FAM81A: variants seen among roughly 807,000 people sequenced by gnomAD.
FAM81A encodes family with sequence similarity 81 member A.
In FAM81A, 19 loss-of-function variants were observed where a neutral mutation model predicts 46.7. That is an observed-to-expected ratio of 0.41 (90% confidence interval 0.28 to 0.60). The LOEUF (loss-of-function observed/expected upper bound fraction) is 0.60. FAM81A is among the 20% of genes least tolerant of loss of function. The pLI is 0.34. For synonymous variants in FAM81A, 183 were observed against 152.9 expected, an observed-to-expected ratio of 1.20 and a Z score of -1.45; for missense variants, 377 against 453.5, an observed-to-expected ratio of 0.83 and a Z score of 1.53.
chr15:59,433,007 T>A (rs1249684218), intron 2 of FAM81A, among the ~76,000 whole-genome samples: 4 of 148,140 alleles, frequency 2.7e-5, no homozygotes, highest in African/African-American at 7.5e-5. Context: ...CTGGGCATGG[T>A]GGTGGGTGCC....
intron 1 of FAM81A, chr15:59,444,175 T>G (rs2081330550): frequency 6.6e-6 from 1 of 152,236 alleles, no homozygotes; most frequent in Non-Finnish European, 1.5e-5. Flanking sequence ...CTGTAGAGGC[T>G]CAATGAATAT....
intron 3 of FAM81A, among the ~76,000 whole-genome samples, chr15:59,480,069 G>T (rs1331164847): frequency 1.3e-5 from 2 of 152,130 alleles, no homozygotes; most frequent in Non-Finnish European, 2.9e-5. Flanking sequence ...GGAGAAGATG[G>T]ATTCTGGAGT....
chr15:59,403,803 C>A lies in FAM81A; in HGVS notation c.-78+1445C>A, dbSNP rs8041474. ...AATACTTTAAATTGCAAATTTCTTC[C>A]AAATCTTAATAAACATTTTTTTTCA... On this transcript the variant is annotated intron_variant, in intron 2 of 4. Coordinates refer to the FAM81A transcript ENST00000558348. 4.7e-3 allele frequency among the ~76,000 whole-genome samples: 718 copies of A among 152,036 alleles called. 6 individuals are homozygous for A. The highest frequency in any genetic ancestry group is 0.017 in the African/African-American group (695 of 41,470).
chr15:59,497,128 A>AAAGAAG (rs367828817), intron 4 of FAM81A, among the ~76,000 whole-genome samples: 142 of 149,216 alleles, frequency 9.5e-4, no homozygotes, highest in African/African-American at 2.0e-3. Context: ...CAAATTTAAA[A>AAAGAAG]AAGAAGAAGA....
At chr15:59,459,828 G>T (rs1280657675) in intron 2 of FAM81A, 105 bp from the exon 3 acceptor site, 1 of 1,412,498 alleles carries the variant, frequency 7.1e-7, no homozygotes, top group African/African-American at 1.4e-5. Flanking sequence ...TATTTAGCTT[G>T]TAGTTATAGA....
intron 3 of FAM81A, among the ~76,000 whole-genome samples, chr15:59,487,756 A>G (rs773161749): frequency 1.3e-5 from 2 of 152,146 alleles, no homozygotes; most frequent in East Asian, 1.9e-4. Context: ...GATTGAAGCC[A>G]TAATAAAAAC....
Position 59,433,140 on chromosome 15 carries a change from C to CAA in FAM81A, c.-77-25385_-77-25384dup, listed in dbSNP as rs552850890. Among the ~76,000 whole-genome samples, 113 of 42,348 alleles carry CAA rather than the reference C, an allele frequency of 2.7e-3. 3 individuals are homozygous for CAA. Among genetic ancestry groups the CAA allele is most frequent in the African/African-American group, 7.8e-3 (73 of 9,318 alleles). The allele number at this position is 42,348 out of a possible 152,430, so 27.8% of individuals were successfully genotyped here. ...CTGGGCACAGAGCGAGACTCCGTCT[C>CAA]AAAAAAAAAAAAAAAAAAAAAAAAA... On this transcript the variant is annotated intron_variant, in intron 2 of 4. Coordinates refer to the FAM81A transcript ENST00000558348.
intron 2 of FAM81A, among the ~76,000 whole-genome samples, chr15:59,403,952 C>T (rs1208303069): frequency 8.1e-5 from 12 of 148,916 alleles, no homozygotes; most frequent in East Asian, 8.0e-4. Flanking sequence ...AGAGTGATCT[C>T]GGCTCACTGC....
intron 1 of FAM81A, among the ~76,000 whole-genome samples, chr15:59,448,712 A>G (rs532567651): frequency 4.6e-5 from 7 of 152,186 alleles, no homozygotes; most frequent in African/African-American, 1.4e-4. Context: ...CTGTTGCCCA[A>G]GCTGGAGTGC....
chr15:59,428,454 A>G lies in FAM81A; in HGVS notation c.-78+26096A>G, dbSNP rs561849496. Among the ~76,000 whole-genome samples, 10 of 125,540 alleles carry G rather than the reference A, an allele frequency of 8.0e-5. No individual in the cohort carries two copies. In the South Asian group the frequency reaches 2.5e-3, roughly 32 times the overall value. The allele number at this position is 125,540 out of a possible 152,430, so 82.4% of individuals were successfully genotyped here. ...TATTATTATTATTATTATTATTATTATTTTGAGACAGAGTCTTACTATGTT... is the reference window on the plus strand; with the variant it reads ...TATTATTATTATTATTATTATTATTGTTTTGAGACAGAGTCTTACTATGTT... On this transcript the variant is annotated intron_variant, in intron 2 of 4. Coordinates refer to the FAM81A transcript ENST00000558348.
At chr15:59,432,527 C>G (rs1409375642) in intron 2 of FAM81A, among the ~76,000 whole-genome samples, 1 of 152,122 alleles carries the variant, frequency 6.6e-6, no homozygotes, top group Non-Finnish European at 1.5e-5. Context: ...GGTTTTTATG[C>G]GGCAATCTTG....
intron 3 of FAM81A, among the ~76,000 whole-genome samples, chr15:59,475,680 A>C (rs2081757788): frequency 6.6e-6 from 1 of 152,214 alleles, no homozygotes; most frequent in African/African-American, 2.4e-5. Context: ...CAAAAAATTT[A>C]GTTTGTATTT....
chr15:59,456,741 A>G (rs1399774931), intron 1 of FAM81A, among the ~76,000 whole-genome samples: 2 of 151,860 alleles, frequency 1.3e-5, no homozygotes, highest in Non-Finnish European at 2.9e-5. Context: ...ACGCCTGGCT[A>G]ATTTTTGTAT....
chr15:59,417,387 A>T (rs2081151172), intron 2 of FAM81A, among the ~76,000 whole-genome samples: 1 of 151,806 alleles, frequency 6.6e-6, no homozygotes, highest in Admixed American at 6.6e-5. Flanking sequence ...TTTAAAAACA[A>T]ACAAACAAAC....
intron 3 of FAM81A, among the ~76,000 whole-genome samples, chr15:59,476,151 C>G (rs1021423347): frequency 2.0e-5 from 3 of 152,112 alleles, no homozygotes; most frequent in Admixed American, 2.0e-4. Flanking sequence ...AGATTCTACC[C>G]TCATGACCTA....
chr15:59,483,082 G>A (rs1298150879), intron 3 of FAM81A, among the ~76,000 whole-genome samples: 2 of 151,868 alleles, frequency 1.3e-5, no homozygotes, highest in East Asian at 1.9e-4. Context: ...CTGTTGCCCA[G>A]GCTGGAGTGC....
chr15:59,478,450 C>T (rs1215165903), intron 3 of FAM81A, among the ~76,000 whole-genome samples: 1 of 152,176 alleles, frequency 6.6e-6, no homozygotes, highest in African/African-American at 2.4e-5. Flanking sequence ...GGGGCGTAGA[C>T]AGTGATGTTA....
At chr15:59,439,204 C>G (rs1161293266) in intron 1 of FAM81A, 1 of 151,710 alleles carries the variant, frequency 6.6e-6, no homozygotes, top group Non-Finnish European at 1.5e-5. Flanking sequence ...TAGGAGTAAC[C>G]AGAAATAATG....
At chr15:59,479,179 A>T (rs1247547180) in intron 3 of FAM81A, among the ~76,000 whole-genome samples, 1 of 152,150 alleles carries the variant, frequency 6.6e-6, no homozygotes, top group East Asian at 1.9e-4. Flanking sequence ...AAGTGCTCTG[A>T]TGAGAGGATG....
Sources: allele counts gnomAD v4.1 joint callset (sites outside exome capture counted in the v4.1 genomes callset), GRCh38; gene constraint gnomAD v4.1.1; transcripts MANE v1.5; gene names NCBI Gene and HGNC (gene_info 2026-07-23, HGNC 2026-07-21).